The following NXN variants were observed in gnomAD, a reference collection of about 807,000 sequenced individuals.
NXN encodes the protein nucleoredoxin 1.
In NXN, 16 loss-of-function variants were observed where a neutral mutation model predicts 48.6. The observed-to-expected ratio is 0.33, with a 90% CI of 0.22 to 0.50. NXN has a LOEUF of 0.50. Ranked by LOEUF, NXN falls within the 20% of genes least tolerant of loss-of-function variation. The pLI is 0.98. For synonymous variants in NXN, 281 were observed against 269.6 expected (o/e 1.04, Z -0.41); for missense variants, 492 against 605.5 (o/e 0.81, Z 1.97).
chr17:935,093 G>C (rs962282727), intron 1 of NXN, among the ~76,000 whole-genome samples: 38 of 151,734 alleles, frequency 2.5e-4, no homozygotes, highest in African/African-American at 9.0e-4. Flanking sequence ...CCAGGTTCAA[G>C]TGATTCTCCT....
intron 1 of NXN, among the ~76,000 whole-genome samples, chr17:888,361 G>A (rs973834375): frequency 3.3e-5 from 5 of 152,100 alleles, no homozygotes; most frequent in African/African-American, 9.7e-5. Context: ...AGGGACCACA[G>A]GCATGCATCA....
At chr17:942,876 CCA>C in intron 1 of NXN, among the ~76,000 whole-genome samples, 1 of 46,922 alleles carries the variant, frequency 2.1e-5, no homozygotes, top group Non-Finnish European at 4.1e-5. Flanking sequence ...CATGAATTCA[CCA>C]AACACCTCCC....
chr17:947,469 A>C (rs1281708601), intron 1 of NXN, among the ~76,000 whole-genome samples: 3 of 23,116 alleles, frequency 1.3e-4, no homozygotes, highest in Non-Finnish European at 5.3e-4. Flanking sequence ...GTGGTGGCTC[A>C]CACCTGTAAT....
At chr17:943,610 C>T (rs1457070408) in intron 1 of NXN, among the ~76,000 whole-genome samples, 1 of 151,468 alleles carries the variant, frequency 6.6e-6, no homozygotes, top group Non-Finnish European at 1.5e-5. Context: ...TCACTTGAGG[C>T]CAGGAGTTCA....
intron 1 of NXN, among the ~76,000 whole-genome samples, chr17:922,114 C>T (rs867048949): frequency 6.6e-6 from 1 of 152,138 alleles, no homozygotes; most frequent in Non-Finnish European, 1.5e-5. Flanking sequence ...CCAACAGAAA[C>T]GGGTTAGCCC....
rs527458139 is a variant in NXN, at chr17:899,261, T to C, written c.361-73183A>G. Among the ~76,000 whole-genome samples the C allele has an allele frequency of 4.6e-5, 7 of 152,236 alleles. No individual in the cohort carries two copies. In the East Asian group the frequency reaches 1.4e-3, roughly 29 times the overall value. ...GCGTGAGCCACCGCACCCCGGCCTG[T>C]GCATGCTTTTCTTACAGCACCTTTT... On this transcript the variant is annotated intron_variant, in intron 1 of 7. Transcript: ENST00000336868.
At chr17:868,696 G>A (rs1263375119) in intron 1 of NXN, among the ~76,000 whole-genome samples, 1 of 152,072 alleles carries the variant, frequency 6.6e-6, no homozygotes, top group African/African-American at 2.4e-5. Context: ...GTTTCACCAC[G>A]TTAGCCAGGA....
At chr17:870,206 T>C (rs943458619) in intron 1 of NXN, among the ~76,000 whole-genome samples, 2 of 152,140 alleles carry the variant, frequency 1.3e-5, no homozygotes, top group African/African-American at 4.8e-5. Flanking sequence ...CCAGTCTCCA[T>C]TTGGCCCCCA....
rs566627012 is a variant in NXN, at chr17:920,575, C to T, written c.360+58744G>A. 1.3e-4 allele frequency among the ~76,000 whole-genome samples: 20 copies of T among 152,252 alleles called. No individual in the cohort carries two copies. Among genetic ancestry groups the T allele is most frequent in the Admixed American group, 7.2e-4 (11 of 15,288 alleles). On this transcript the variant is annotated intron_variant, in intron 1 of 7. Coordinates refer to ENST00000336868, the MANE Select transcript of NXN (RefSeq NM_022463.5). The surrounding 1 kb of genome is among the most constrained non-coding windows in gnomAD (Gnocchi z 4.6). Reference sequence around the variant, plus strand: ...CCCTCGACGCTCATCCAGGTTCATTCGCCATCCGTATGCCCTAGCCCAGGG... The same window carrying T: ...CCCTCGACGCTCATCCAGGTTCATTTGCCATCCGTATGCCCTAGCCCAGGG...
At chr17:909,294 C>CTTT (rs2068611760) in intron 1 of NXN, among the ~76,000 whole-genome samples, 1 of 151,438 alleles carries the variant, frequency 6.6e-6, no homozygotes, top group Non-Finnish European at 1.5e-5. Flanking sequence ...ACTTATAAAG[C>CTTT]TAAACATTAC....
rs1283752680 is a variant in NXN at position 979,634 on chromosome 17, C to G, written c.45G>C (p.Thr15=). 2 of 1,469,806 alleles carry G rather than the reference C, an allele frequency of 1.4e-6. No homozygotes were observed. The highest frequency in any genetic ancestry group is 4.3e-5 in the Admixed American group (2 of 46,566). 91.0% of individuals were successfully genotyped at this position (1,469,806 alleles called of 1,614,324 possible). Residue 15 remains threonine (T), a synonymous_variant, in exon 1 of 8, where the codon ACG becomes ACC. Coordinates refer to ENST00000336868, the MANE Select transcript of NXN (RefSeq NM_022463.5). ...GCACGTCCACCTCCTCGCCGCCGCC[C>G]GTCACCAGCTTCTCGCCGAGCAGCT... is the stretch of plus-strand genomic sequence containing the variant. ...LEELLGEKLV[T]GGGEEVDVHS...
intron 1 of NXN, among the ~76,000 whole-genome samples, chr17:904,310 C>T (rs538196355): frequency 9.4e-5 from 14 of 149,494 alleles, no homozygotes; most frequent in African/African-American, 3.6e-4. Flanking sequence ...CGTCCGGCTT[C>T]CATCCGACAG....
rs142550452 is a variant in NXN, at chr17:897,924, G to C, written c.361-71846C>G. On this transcript the variant is annotated intron_variant, in intron 1 of 7. Transcript: ENST00000336868. ...TCGAACTCCTCACCTCAGGTGATCC[G>C]CCCACCTCGGCCTCCCGAAGTGCTG... 3.3e-5 allele frequency among the ~76,000 whole-genome samples: 5 copies of C among 152,264 alleles called. No homozygotes were observed. In the East Asian group the frequency reaches 9.7e-4, roughly 29 times the overall value.
At chr17:826,155 C>A in intron 1 of NXN, 77 bp from the exon 2 acceptor site, 1 of 920,800 alleles carries the variant, frequency 1.1e-6, no homozygotes, top group Non-Finnish European at 1.8e-6. Context: ...CCCCTTAGGT[C>A]TGGAGGCTGG....
chr17:843,014 AAGAAAG>A (rs1567829025), intron 1 of NXN, among the ~76,000 whole-genome samples: 1 of 83,938 alleles, frequency 1.2e-5, no homozygotes, highest in African/African-American at 4.8e-5. Flanking sequence ...GAGAGAAAGA[AAGAAAG>A]AAAGAAAGAA....
chr17:821,153 C>T (rs1241777119), intron 4 of NXN, among the ~76,000 whole-genome samples: 1 of 75,950 alleles, frequency 1.3e-5, no homozygotes. Context: ...AAGCCAAGCC[C>T]AGGATGGTGT....
chr17:806,917 CACAT>C (rs1305517937), intron 5 of NXN, among the ~76,000 whole-genome samples: 2 of 125,964 alleles, frequency 1.6e-5, no homozygotes, highest in Admixed American at 8.0e-5. Context: ...CACACACACT[CACAT>C]ACACACACAC....
In NXN at chr17:979,274, G is replaced by C. The variant is rs755202784; in HGVS notation, c.360+45C>G. 9 of 1,365,658 alleles carry C rather than the reference G, an allele frequency of 6.6e-6. No individual in the cohort carries two copies. The African/African-American group carries it at 8.3e-5, about 13-fold the overall frequency. 84.6% of individuals were successfully genotyped at this position (1,365,658 alleles called of 1,614,324 possible). On this transcript the variant is annotated intron_variant, in intron 1 of 7. Coordinates refer to ENST00000336868, the MANE Select transcript of NXN (RefSeq NM_022463.5). Reference sequence around the variant, plus strand: ...GGCGTGGGGGGCGGGCAGGGGTAACGGGCGTGGGGGGCGGGCAGGGGCCGG... The same window carrying C: ...GGCGTGGGGGGCGGGCAGGGGTAACCGGCGTGGGGGGCGGGCAGGGGCCGG...
At chr17:858,597 G>A (rs961021922) in intron 1 of NXN, among the ~76,000 whole-genome samples, 1 of 151,898 alleles carries the variant, frequency 6.6e-6, no homozygotes, top group African/African-American at 2.4e-5. Flanking sequence ...GCATGGTGGC[G>A]GGCGCCTGTA....
Sources: allele counts gnomAD v4.1 joint callset (sites outside exome capture counted in the v4.1 genomes callset), GRCh38; gene constraint gnomAD v4.1.1; non-coding constraint Gnocchi (gnomAD v3.1); transcripts MANE v1.5; gene names NCBI Gene and HGNC (gene_info 2026-07-23, HGNC 2026-07-21).